SLC26A11: variants seen among roughly 807,000 people sequenced by gnomAD.
SLC26A11 encodes solute carrier family 26 member 11.
Under a neutral mutation model 62.2 loss-of-function variants are expected in SLC26A11, and 58 were observed. The observed-to-expected ratio is 0.93, with a 90% CI of 0.76 to 1.16. SLC26A11 has a LOEUF of 1.16. SLC26A11 is among the 50% of genes most tolerant of loss of function. The pLI is 0.00. For missense variants in SLC26A11, 790 were observed against 794.3 expected (o/e 0.99, Z 0.06); for synonymous variants, 411 against 368.9 (o/e 1.11, Z -1.31).
rs112288026 is a variant in SLC26A11, at chr17:80,246,687, G to A, written c.1294+38G>A. The A allele has an allele frequency of 4.1e-4, 661 of 1,602,928 alleles. 5 individuals are homozygous for A. The African/African-American group carries it at 6.8e-3, about 17-fold the overall frequency. ...CCTACAGGGGAGAGCGCTGTGATGC[G>A]GTGTCTGAACGCGGAGGGTGTCATT... On this transcript the variant is annotated intron_variant, in intron 13 of 17. Coordinates refer to ENST00000361193, the MANE Select transcript of SLC26A11 (RefSeq NM_001166347.2). This position sits in a 1 kb window ranked among gnomAD's most constrained non-coding sequence, Gnocchi z 4.4.
rs571701421 is a variant in SLC26A11, at chr17:80,228,711, G to A, written c.736+751G>A. Among the ~76,000 whole-genome samples the A allele has an allele frequency of 5.9e-5, 9 of 152,346 alleles. No homozygotes were observed. In the South Asian group the frequency reaches 1.4e-3, roughly 25 times the overall value. ...TCCGGCCCAAAATGTCGGCGGTGCCGAGGTGGAGAAACACAGTCTACTGGC... is the reference window on the plus strand; with the variant it reads ...TCCGGCCCAAAATGTCGGCGGTGCCAAGGTGGAGAAACACAGTCTACTGGC... On this transcript the variant is annotated intron_variant, in intron 7 of 17. Transcript: ENST00000361193. The surrounding 1 kb of genome is among the most constrained non-coding windows in gnomAD (Gnocchi z 4.1).
At chr17:80,241,883 C>G (rs1016821195) in intron 10 of SLC26A11, 62 bp downstream of exon 10, 1 of 1,551,316 alleles carries the variant, frequency 6.4e-7, no homozygotes, top group African/African-American at 1.4e-5. Context: ...CCAGGCCTGC[C>G]CCTCTGTGTC....
At chr17:80,249,639 C>CA (rs1256679194) in intron 16 of SLC26A11, among the ~76,000 whole-genome samples, 1 of 152,198 alleles carries the variant, frequency 6.6e-6, no homozygotes, top group Non-Finnish European at 1.5e-5. Context: ...GGCGTGGTGG[C>CA]ACACTCCTGG....
chr17:80,222,753 G>T lies in SLC26A11; in HGVS notation c.333G>T (p.Leu111=). 1 of 1,614,134 alleles carries T rather than the reference G, an allele frequency of 6.2e-7. No individual in the cohort carries two copies. Residue 111 remains leucine (L), a synonymous_variant, in exon 4 of 18, where the codon CTG becomes CTT. Coordinates refer to ENST00000361193, the MANE Select transcript of SLC26A11 (RefSeq NM_001166347.2). This position sits in a 1 kb window ranked among gnomAD's most constrained non-coding sequence, Gnocchi z 4.7. ...TLGPTAIMSL[L]VSFYTFHEPA... The stretch of plus-strand genomic sequence containing the variant: ...GCCCCACCGCCATTATGTCCCTCCT[G>T]GTCTCCTTCTACACCTTCCATGAGC...
At chr17:80,230,363 A>C (rs2042531508) in intron 7 of SLC26A11, among the ~76,000 whole-genome samples, 2 of 152,056 alleles carry the variant, frequency 1.3e-5, no homozygotes, top group South Asian at 4.1e-4. Context: ...GGTCCTAGAG[A>C]CAGGAGGCAC....
Position 80,246,686 on chromosome 17 carries a change from C to A in SLC26A11, c.1294+37C>A, listed in dbSNP as rs749759235. ...TCCTACAGGGGAGAGCGCTGTGATG[C>A]GGTGTCTGAACGCGGAGGGTGTCAT... On this transcript the variant is annotated intron_variant, in intron 13 of 17. Transcript: ENST00000361193. This position sits in a 1 kb window ranked among gnomAD's most constrained non-coding sequence, Gnocchi z 4.4. 1.2e-6 allele frequency: 2 copies of A among 1,603,304 alleles called. No homozygotes were observed. The highest frequency in any genetic ancestry group is 2.7e-5 in the African/African-American group (2 of 74,682).
chr17:80,246,132 C>T lies in SLC26A11; in HGVS notation c.1098-22C>T, dbSNP rs768538219. 22 of 1,612,976 alleles carry T rather than the reference C, an allele frequency of 1.4e-5. 1 individual carries two copies. Among genetic ancestry groups the T allele is most frequent in the South Asian group, 2.2e-5 (2 of 91,092 alleles). On this transcript the variant is annotated intron_variant, in intron 11 of 17. Coordinates refer to ENST00000361193, the MANE Select transcript of SLC26A11 (RefSeq NM_001166347.2). This position sits in a 1 kb window ranked among gnomAD's most constrained non-coding sequence, Gnocchi z 4.4. Reference sequence around the variant, plus strand: ...CCTTTTCCCGGCCCCTGGTGACTGACGGTCTCTGTGTTGCCTTCCAGGACA... The same window carrying T: ...CCTTTTCCCGGCCCCTGGTGACTGATGGTCTCTGTGTTGCCTTCCAGGACA...
intron 6 of SLC26A11, 55 bp downstream of exon 6, chr17:80,225,971 C>T: frequency 1.3e-6 from 2 of 1,519,710 alleles, no homozygotes; most frequent in African/African-American, 1.4e-5. Flanking sequence ...TCCACACCTC[C>T]TCTCCCGGCC....
At chr17:80,250,042 C>T (rs953939855) in intron 16 of SLC26A11, among the ~76,000 whole-genome samples, 6 of 152,080 alleles carry the variant, frequency 3.9e-5, no homozygotes, top group African/African-American at 1.4e-4. Context: ...AGGGCTGGGT[C>T]CCAGGCCCTG....
At position 80,241,548 on chromosome 17, in the gene SLC26A11, C is replaced by T. The variant is rs561738249; in HGVS notation, c.986-223C>T. On this transcript the variant is annotated intron_variant, in intron 9 of 17. Coordinates refer to ENST00000361193, the MANE Select transcript of SLC26A11 (RefSeq NM_001166347.2). ...GTGCTGCGATTATAGCTGTGAGCCA[C>T]CATACCTGGCCTGATTACATGGTAC... 7.2e-5 allele frequency among the ~76,000 whole-genome samples: 11 copies of T among 152,314 alleles called. 1 individual carries two copies. In the South Asian group the frequency reaches 2.3e-3, roughly 32 times the overall value.
chr17:80,249,338 C>T (rs1284867450), intron 16 of SLC26A11, 51 bp downstream of exon 16: 12 of 1,594,070 alleles, frequency 7.5e-6, no homozygotes, highest in Non-Finnish European at 1.0e-5. Context: ...GGAAGGCCTT[C>T]CTGTGCCTGC....
At position 80,220,648 on chromosome 17, in the gene SLC26A11, C is replaced by G. The variant is rs545604757; in HGVS notation, c.-214+152C>G. Among the ~76,000 whole-genome samples, 817 of 152,230 alleles carry G rather than the reference C, an allele frequency of 5.4e-3. 10 individuals are homozygous for G. The highest frequency in any genetic ancestry group is 0.019 in the African/African-American group (795 of 41,554). On this transcript the variant is annotated intron_variant, in intron 1 of 17. Coordinates refer to ENST00000361193, the MANE Select transcript of SLC26A11 (RefSeq NM_001166347.2). ...TGGGGACCACTCCCCCGCCGCGTCC[C>G]TACCCGGGTCCCCGCGGCCCTCGGC...
At chr17:80,236,461 GCAGTGA>G (rs1327805931) in intron 7 of SLC26A11, among the ~76,000 whole-genome samples, 1 of 152,230 alleles carries the variant, frequency 6.6e-6, no homozygotes, top group East Asian at 1.9e-4. Context: ...AGCCGGCGGG[GCAGTGA>G]TAGACTCACC....
Position 80,237,524 on chromosome 17 carries a change from C to T in SLC26A11, c.915C>T (p.Asp305=). Residue 305 remains aspartate, a splice_region_variant and synonymous_variant, in exon 9 of 18, where the codon GAC becomes GAT. Coordinates refer to ENST00000361193, the MANE Select transcript of SLC26A11 (RefSeq NM_001166347.2). ...GTISFTEMVQ[D]MGAGLAVVPL... ...ACCATCCCTCTCTCCTCTCTCAGGA[C>T]ATGGGAGCCGGGCTGGCCGTGGTGC... 1 of 1,610,178 alleles carries T rather than the reference C, an allele frequency of 6.2e-7. No homozygotes were observed.
At chr17:80,221,903 A>G in intron 3 of SLC26A11, 109 bp downstream of exon 3, 1 of 1,200,556 alleles carries the variant, frequency 8.3e-7, no homozygotes, top group African/African-American at 1.5e-5. Context: ...CTGGGCCCCA[A>G]GGAACCTTTG....
chr17:80,242,431 G>A (rs2042888803), intron 10 of SLC26A11, among the ~76,000 whole-genome samples: 1 of 152,220 alleles, frequency 6.6e-6, no homozygotes, highest in South Asian at 2.1e-4. Flanking sequence ...TCTAGATCCA[G>A]GAACACCTGG....
chr17:80,239,929 G>T (rs1405657296), intron 9 of SLC26A11, among the ~76,000 whole-genome samples: 2 of 152,270 alleles, frequency 1.3e-5, no homozygotes, highest in Admixed American at 1.3e-4. Flanking sequence ...GAGCGTGGCT[G>T]TGCCACTTGG....
chr17:80,227,414 G>A (rs972566205), intron 6 of SLC26A11, among the ~76,000 whole-genome samples: 4 of 152,304 alleles, frequency 2.6e-5, no homozygotes, highest in East Asian at 1.9e-4. Flanking sequence ...AGAGAGCTAC[G>A]GGAGTGAAAA....
In SLC26A11 at chr17:80,248,226, T is replaced by C. The variant is rs2043060546; in HGVS notation, c.1391T>C (p.Leu464Pro). Residue 464 changes from leucine (L) to proline (P), a missense_variant, in exon 14 of 18, where the codon CTC becomes CCC. Coordinates refer to ENST00000361193, the MANE Select transcript of SLC26A11 (RefSeq NM_001166347.2). ...LAGALVSLLM[L>P]LHSAARPETK... ...GGGGCCCTGGTGTCTCTGCTCATGC[T>C]CCTGCACTCTGCAGCCAGGCCTGAG... The C allele has an allele frequency of 2.5e-6, 4 of 1,609,650 alleles. No individual in the cohort carries two copies. Among genetic ancestry groups the C allele is most frequent in the East Asian group, 2.2e-5 (1 of 44,844 alleles).
Sources: gnomAD v4.1 joint callset for allele counts (sites outside exome capture counted in the v4.1 genomes callset) on GRCh38, gnomAD v4.1.1 for gene constraint, Gnocchi (gnomAD v3.1) non-coding constraint, MANE v1.5 for transcripts, NCBI Gene and HGNC (gene_info 2026-07-23, HGNC 2026-07-21) for gene names.